LYPD1: variants seen among roughly 807,000 people sequenced by gnomAD.
LYPD1 encodes ly6/PLAUR domain-containing protein 1.
Under a neutral mutation model 14.2 loss-of-function variants are expected in LYPD1, and 14 were observed. The observed-to-expected ratio is 0.99, with a 90% CI of 0.65 to 1.54. The LOEUF (loss-of-function observed/expected upper bound fraction) is 1.54, where lower values mean the gene tolerates loss of function less well. Ranked by LOEUF, LYPD1 falls within the 40% of genes most tolerant of loss-of-function variation. The pLI is 0.00. For missense variants in LYPD1, 165 were observed against 175.7 expected (o/e 0.94, Z 0.34); for synonymous variants, 85 against 70.6 (o/e 1.20, Z -1.02).
chr2:132,670,438 G>C (rs1683632377), upstream of LYPD1, among the ~76,000 whole-genome samples: 5 of 152,166 alleles, frequency 3.3e-5, no homozygotes, highest in South Asian at 1.0e-3. The surrounding 1 kb of genome is among the most constrained non-coding windows in gnomAD (Gnocchi z 4.5). Flanking sequence ...GAGATGGGGA[G>C]GTTGGGGGAG....
intron 1 of LYPD1, 120 bp from the exon 2 acceptor site, chr2:132,668,657 C>T (rs893719939): frequency 2.9e-6 from 4 of 1,383,182 alleles, no homozygotes; most frequent in East Asian, 2.7e-5. Flanking sequence ...TAGACCACTC[C>T]TGGGTCTCCG....
rs1433766534 is a variant in LYPD1 at position 132,644,411 on chromosome 2, T to G, written c.*1634A>C. Among the ~76,000 whole-genome samples the G allele has an allele frequency of 6.6e-6, 1 of 152,224 alleles. No individual in the cohort carries two copies. The highest frequency in any genetic ancestry group is 2.4e-5 in the African/African-American group (1 of 41,456). ...AAGTTTTATATTTGCCATCTCTGAA[T>G]AATTCTTTTTCCCCACATGAGGGAT... On this transcript the variant is annotated 3_prime_UTR_variant, in exon 3 of 3. Coordinates refer to ENST00000397463, the MANE Select transcript of LYPD1 (RefSeq NM_144586.7).
At position 132,645,835 on chromosome 2, in the gene LYPD1, C is replaced by T; in HGVS notation, c.*210G>A. On this transcript the variant is annotated 3_prime_UTR_variant, in exon 3 of 3. Transcript: ENST00000397463. Reference sequence around the variant, plus strand: ...GAACTTTCACTCCACCTCCTTCCTTCAAGTACATACTGAAAATTCAGTCAG... The same window carrying T: ...GAACTTTCACTCCACCTCCTTCCTTTAAGTACATACTGAAAATTCAGTCAG... 1 of 671,466 alleles carries T rather than the reference C, an allele frequency of 1.5e-6. No homozygotes were observed. The highest frequency in any genetic ancestry group is 2.5e-6 in the Non-Finnish European group (1 of 407,850). 41.6% of individuals were successfully genotyped at this position (671,466 alleles called of 1,614,324 possible).
chr2:132,663,730 T>G (rs1335612945), intron 2 of LYPD1, among the ~76,000 whole-genome samples: 1 of 152,074 alleles, frequency 6.6e-6, no homozygotes, highest in African/African-American at 2.4e-5. Context: ...GGACTGCAGA[T>G]GGGATGTCTA....
chr2:132,648,275 AT>A (rs1682214322), intron 2 of LYPD1, among the ~76,000 whole-genome samples: 3 of 146,420 alleles, frequency 2.0e-5, no homozygotes, highest in Non-Finnish European at 4.7e-5. Flanking sequence ...TTTTAAAAAA[AT>A]ATTTACTGAA....
intron 2 of LYPD1, 186 bp from the exon 3 acceptor site, chr2:132,646,466 C>T (rs920186711): frequency 4.9e-6 from 2 of 409,212 alleles, no homozygotes; most frequent in Non-Finnish European, 8.6e-6. Context: ...GAGACAGGCA[C>T]TATTTCATTA....
At chr2:132,656,709 T>A (rs1682616036) in intron 2 of LYPD1, among the ~76,000 whole-genome samples, 1 of 152,198 alleles carries the variant, frequency 6.6e-6, no homozygotes, top group South Asian at 2.1e-4. Flanking sequence ...TTTTGTGCTC[T>A]GGCTCTTAAG....
At chr2:132,649,983 TCTGC>T (rs1682292603) in intron 2 of LYPD1, among the ~76,000 whole-genome samples, 1 of 151,908 alleles carries the variant, frequency 6.6e-6, no homozygotes, top group South Asian at 2.1e-4. Flanking sequence ...ACCCACAAAC[TCTGC>T]CTAATAAAAT....
intron 2 of LYPD1, among the ~76,000 whole-genome samples, chr2:132,649,096 T>TCG (rs1682258262): frequency 6.6e-6 from 1 of 152,130 alleles, no homozygotes; most frequent in Non-Finnish European, 1.5e-5. Context: ...CTGGCTGGTG[T>TCG]CAGGGTATGG....
At chr2:132,652,307 T>C (rs1682390585) in intron 2 of LYPD1, among the ~76,000 whole-genome samples, 1 of 151,754 alleles carries the variant, frequency 6.6e-6, no homozygotes, top group Non-Finnish European at 1.5e-5. Context: ...AATGAATAAA[T>C]GAAGGGAGGA....
At chr2:132,670,278 A>C, upstream of LYPD1, 3 of 322,220 alleles carry the variant, frequency 9.3e-6, no homozygotes, top group Non-Finnish European at 1.1e-5. This position sits in a 1 kb window ranked among gnomAD's most constrained non-coding sequence, Gnocchi z 4.5. Context: ...GCATCACGTG[A>C]CGGCTGCCGA....
intron 2 of LYPD1, among the ~76,000 whole-genome samples, chr2:132,658,538 A>T (rs187467900): frequency 3.7e-4 from 56 of 152,302 alleles, no homozygotes; most frequent in African/African-American, 1.3e-3. Context: ...TGTCAATATC[A>T]TGACAGTGAT....
chr2:132,649,181 T>TA (rs374681343), intron 2 of LYPD1, among the ~76,000 whole-genome samples: 205 of 152,164 alleles, frequency 1.3e-3, no homozygotes, highest in African/African-American at 4.6e-3. Context: ...AGGAAGCAGG[T>TA]AGGAGGTGTT....
rs199666750 is a variant in LYPD1, at chr2:132,647,383, A to AT, written c.191-1104dup. Among the ~76,000 whole-genome samples, 927 of 152,278 alleles carry AT rather than the reference A, an allele frequency of 6.1e-3. 10 individuals carry two copies. Among genetic ancestry groups the AT allele is most frequent in the African/African-American group, 0.019 (809 of 41,552 alleles). On this transcript the variant is annotated intron_variant, in intron 2 of 2. Transcript: ENST00000397463. ...CAATTAACCACAAAAATAACCGGGGATTTTTTAGGGGGAGAGGGTTTACTT... is the reference window on the plus strand; with the variant it reads ...CAATTAACCACAAAAATAACCGGGGATTTTTTTAGGGGGAGAGGGTTTACTT...
intron 2 of LYPD1, among the ~76,000 whole-genome samples, chr2:132,656,464 A>G (rs552235372): frequency 7.2e-4 from 109 of 152,354 alleles, no homozygotes; most frequent in African/African-American, 2.5e-3. Context: ...AATGAACTAC[A>G]AGCATTTTCA....
At chr2:132,658,988 C>A (rs1682767709) in intron 2 of LYPD1, among the ~76,000 whole-genome samples, 1 of 151,816 alleles carries the variant, frequency 6.6e-6, no homozygotes, top group Non-Finnish European at 1.5e-5. Context: ...TGAAAACACT[C>A]CTATTCAAAG....
chr2:132,652,508 C>A, intron 2 of LYPD1, among the ~76,000 whole-genome samples: 1 of 152,278 alleles, frequency 6.6e-6, no homozygotes, highest in South Asian at 2.1e-4. Flanking sequence ...TCTTAGTTAA[C>A]GCAGATGCAG....
At chr2:132,659,058 T>C (rs1682772140) in intron 2 of LYPD1, among the ~76,000 whole-genome samples, 2 of 152,166 alleles carry the variant, frequency 1.3e-5, no homozygotes, top group African/African-American at 4.8e-5. Flanking sequence ...CAGGGGTGGA[T>C]TACATTTCAG....
At position 132,645,942 on chromosome 2, in the gene LYPD1, C is replaced by A. The variant is rs1028017282; in HGVS notation, c.*103G>T. 3.5e-6 allele frequency: 3 copies of A among 860,222 alleles called. No homozygotes were observed. The highest frequency in any genetic ancestry group is 5.3e-6 in the Non-Finnish European group (3 of 567,030). 53.3% of individuals were successfully genotyped at this position (860,222 alleles called of 1,614,324 possible). A position where few individuals can be genotyped will look rare whatever the true frequency, so the allele number is the denominator to read the frequency against. On this transcript the variant is annotated 3_prime_UTR_variant, in exon 3 of 3. Transcript: ENST00000397463. ...AGAGAACACGGACTCCCGCTCCCTA[C>A]CCAGAATAAAAGGACACCCAGAAGA... is the stretch of plus-strand genomic sequence containing the variant.
Sources: gnomAD v4.1 joint callset for allele counts (sites outside exome capture counted in the v4.1 genomes callset) on GRCh38, gnomAD v4.1.1 for gene constraint, Gnocchi (gnomAD v3.1) non-coding constraint, MANE v1.5 for transcripts, NCBI Gene and HGNC (gene_info 2026-07-23, HGNC 2026-07-21) for gene names.